The following RANBP2 variants were observed in gnomAD, a reference collection of about 807,000 sequenced individuals.
The protein encoded by RANBP2 is RAN binding protein 2, also known as E3 SUMO-protein ligase RanBP2.
RANBP2 carries 57 observed loss-of-function variants against 303.6 expected under a neutral mutation model. The ratio of observed to expected loss-of-function variants is 0.19; its 90% CI spans 0.15 to 0.23. RANBP2 has a LOEUF of 0.23. RANBP2 is among the 10% of genes least tolerant of loss of function. The pLI, the probability that RANBP2 is intolerant of heterozygous loss-of-function variation, is 1.00. For synonymous variants in RANBP2, 1,167 were observed against 1,301.5 expected (o/e 0.90, Z 2.23); for missense variants, 3,138 against 3,780.8 (o/e 0.83, Z 4.46).
At chr2:109,410,190 G>T in the RANBP2 span, among the ~76,000 whole-genome samples, 1 of 152,252 alleles carries the variant, frequency 6.6e-6, no homozygotes, top group African/African-American at 2.4e-5. Flanking sequence ...CAGCACTGCA[G>T]CCATTGCTGA....
the RANBP2 span, among the ~76,000 whole-genome samples, chr2:109,256,604 G>A: frequency 9.9e-5 from 15 of 152,274 alleles, no homozygotes; most frequent in African/African-American, 3.1e-4. Flanking sequence ...TGAGAGCTTC[G>A]AGGGGATTTG....
At chr2:108,737,899 A>G (rs535481682) in intron 6 of RANBP2, among the ~76,000 whole-genome samples, 66 of 151,318 alleles carry the variant, frequency 4.4e-4, no homozygotes, top group South Asian at 1.5e-3. Context: ...TATTTTTAGT[A>G]GAGACGGGGT....
the RANBP2 span, among the ~76,000 whole-genome samples, chr2:109,098,888 G>A: frequency 2.0e-5 from 3 of 152,168 alleles, no homozygotes; most frequent in Non-Finnish European, 4.4e-5. Context: ...ATCTCAGATG[G>A]GTTCAGGAAA....
At chr2:109,350,814 C>T in the RANBP2 span, among the ~76,000 whole-genome samples, 2 of 152,210 alleles carry the variant, frequency 1.3e-5, no homozygotes, top group South Asian at 4.1e-4. Flanking sequence ...CCAGCTTGGT[C>T]TCCCCTCTGG....
chr2:109,156,192 G>A, the RANBP2 span, among the ~76,000 whole-genome samples: 1 of 152,240 alleles, frequency 6.6e-6, no homozygotes, highest in East Asian at 1.9e-4. Context: ...TTAACTCAGT[G>A]AATTAGCACT....
At chr2:109,215,462 C>A in the RANBP2 span, among the ~76,000 whole-genome samples, 2 of 152,074 alleles carry the variant, frequency 1.3e-5, no homozygotes, top group African/African-American at 4.8e-5. Flanking sequence ...CCACTTTACA[C>A]CATCAGAACA....
the RANBP2 span, among the ~76,000 whole-genome samples, chr2:109,562,356 C>A: frequency 6.6e-6 from 1 of 152,054 alleles, no homozygotes; most frequent in Non-Finnish European, 1.5e-5. Context: ...AACTTGGTCT[C>A]CCCACTTCCA....
the RANBP2 span, among the ~76,000 whole-genome samples, chr2:109,415,319 GAGTTCAAAATAATAAGCAGGCTGC>G: frequency 2.0e-5 from 3 of 152,230 alleles, no homozygotes; most frequent in Non-Finnish European, 4.4e-5. Flanking sequence ...CACGTGGCCT[GAGTTCAAAATAATAAGCAGGCTGC>G]CTGAGTTCAA....
the RANBP2 span, among the ~76,000 whole-genome samples, chr2:109,235,694 G>T: frequency 6.6e-6 from 1 of 152,228 alleles, no homozygotes; most frequent in Non-Finnish European, 1.5e-5. Context: ...CCAACATAAA[G>T]ATTGAAGGTG....
chr2:109,377,304 G>A, the RANBP2 span, among the ~76,000 whole-genome samples: 12 of 152,330 alleles, frequency 7.9e-5, no homozygotes, highest in South Asian at 2.5e-3. Flanking sequence ...GGAGCACGTG[G>A]TGAGCAATGG....
chr2:109,141,600 C>T, the RANBP2 span: 7 of 154,984 alleles, frequency 4.5e-5, no homozygotes, highest in South Asian at 1.0e-3. Context: ...TTTTCTCTAT[C>T]GTGAAATCGG....
chr2:109,469,727 G>C, the RANBP2 span, among the ~76,000 whole-genome samples: 5 of 152,298 alleles, frequency 3.3e-5, no homozygotes, highest in East Asian at 5.8e-4. Context: ...ACGCTGAAAA[G>C]CTTAACCATT....
the RANBP2 span, among the ~76,000 whole-genome samples, chr2:109,320,148 C>T: frequency 2.6e-5 from 4 of 152,210 alleles, no homozygotes; most frequent in East Asian, 7.7e-4. Context: ...AGCAACACAA[C>T]TCTTCTCTCA....
At chr2:109,265,086 G>T in the RANBP2 span, among the ~76,000 whole-genome samples, 28 of 152,304 alleles carry the variant, frequency 1.8e-4, no homozygotes, top group Non-Finnish European at 1.5e-4. Flanking sequence ...TGAGTGGGCT[G>T]CTTAGACTTT....
the RANBP2 span, among the ~76,000 whole-genome samples, chr2:109,253,434 G>A: frequency 2.6e-5 from 4 of 152,314 alleles, no homozygotes; most frequent in Non-Finnish European, 5.9e-5. Flanking sequence ...GGACGTGGGC[G>A]CTGCTTTCCG....
the RANBP2 span, among the ~76,000 whole-genome samples, chr2:109,364,882 G>A: frequency 6.6e-6 from 1 of 152,174 alleles, no homozygotes; most frequent in African/African-American, 2.4e-5. Flanking sequence ...CTTGAGGTCA[G>A]GAGTTCGAGA....
chr2:109,288,813 T>C, the RANBP2 span, among the ~76,000 whole-genome samples: 1 of 152,200 alleles, frequency 6.6e-6, no homozygotes, highest in Non-Finnish European at 1.5e-5. Context: ...TCAAATCACT[T>C]TCTTATTTAG....
chr2:109,135,549 G>A, the RANBP2 span, among the ~76,000 whole-genome samples: 1 of 152,214 alleles, frequency 6.6e-6, no homozygotes. Flanking sequence ...AAATCTTCAA[G>A]TCTCTTATCA....
chr2:109,517,266 C>T, the RANBP2 span, among the ~76,000 whole-genome samples: 14 of 152,156 alleles, frequency 9.2e-5, no homozygotes, highest in Non-Finnish European at 1.6e-4. Context: ...TCGCCCATGA[C>T]TTCAGTGCCC....
Sources: allele counts gnomAD v4.1 joint callset (sites outside exome capture counted in the v4.1 genomes callset), GRCh38; gene constraint gnomAD v4.1.1; transcripts MANE v1.5; gene names NCBI Gene and HGNC (gene_info 2026-07-23, HGNC 2026-07-21).